Variants in PCDHGB1 observed in about 807,000 individuals in gnomAD.
The protein encoded by PCDHGB1 is protocadherin gamma-B1.
PCDHGB1 carries 34 observed loss-of-function variants against 56.6 expected under a neutral mutation model. That is an observed-to-expected ratio of 0.60 (90% confidence interval 0.46 to 0.80). The LOEUF (loss-of-function observed/expected upper bound fraction) is 0.80, where lower values mean the gene tolerates loss of function less well. Among genes scored for constraint, PCDHGB1 ranks in the 30% least tolerant of loss-of-function variants. PCDHGB1 has a pLI of 0.00. For synonymous variants in PCDHGB1, 561 were observed against 505.9 expected, an observed-to-expected ratio of 1.11 and a Z score of -1.46; for missense variants, 1,278 against 1,204.6, an observed-to-expected ratio of 1.06 and a Z score of -0.90.
chr5:141,393,938 C>T lies in PCDHGB1; in HGVS notation c.2409+41269C>T, dbSNP rs537803893. The T allele has an allele frequency of 1.5e-5, 25 of 1,613,934 alleles. No homozygotes were observed. In the African/African-American group the frequency reaches 2.4e-4, roughly 15 times the overall value. ...CCTTCTTGAGTGTGCATGACCAAGA[C>T]TCTGGAAAGAATGGTCAAGTTGTCT... On this transcript the variant is annotated intron_variant, in intron 1 of 3. Transcript: ENST00000523390.
chr5:141,403,353 A>T lies in PCDHGB1; in HGVS notation c.2409+50684A>T, dbSNP rs1335542003. The T allele has an allele frequency of 2.5e-6, 4 of 1,613,932 alleles. No individual in the cohort carries two copies. In the East Asian group the frequency reaches 6.7e-5, roughly 27 times the overall value. ...ATTAACGACAGCGCCCCAAAGTTCC[A>T]GGCCGAAAGTCTGGAAGTAAAAATT... On this transcript the variant is annotated intron_variant, in intron 1 of 3. Coordinates refer to ENST00000523390, the MANE Select transcript of PCDHGB1 (RefSeq NM_018922.3).
intron 1 of PCDHGB1, chr5:141,414,963 G>T (rs2095808106): frequency 1.1e-5 from 17 of 1,614,006 alleles, no homozygotes; most frequent in Non-Finnish European, 1.4e-5. Context: ...CCAAGGTGGT[G>T]GCGGTGGACA....
At position 141,350,940 on chromosome 5, in the gene PCDHGB1, TCCGAGTTACGGATG is replaced by T; in HGVS notation, c.683_696del (p.Arg228GlnfsTer2). On this transcript the variant is annotated frameshift_variant, in exon 1 of 4. Coordinates refer to ENST00000523390, the MANE Select transcript of PCDHGB1 (RefSeq NM_018922.3). LOFTEE classifies it high-confidence loss of function. The stretch of plus-strand genomic sequence containing the variant: ...CTAAGCGGCACCACCCATATCTGGA[TCCGAGTTACGGATG>T]CCAATGATAATGCTCCCGTGTTTAG... 6.2e-7 allele frequency: 1 copy of T among 1,614,094 alleles called. No individual in the cohort carries two copies. The highest frequency in any genetic ancestry group is 8.5e-7 in the Non-Finnish European group (1 of 1,179,912).
intron 1 of PCDHGB1, chr5:141,372,747 G>T (rs749618566): frequency 1.6e-5 from 26 of 1,613,300 alleles, no homozygotes; most frequent in Admixed American, 1.7e-5. Context: ...ATGTGATGAA[G>T]CCTCTTGGTT....
chr5:141,413,815 C>T (rs1357769705), intron 1 of PCDHGB1: 11 of 1,613,224 alleles, frequency 6.8e-6, no homozygotes, highest in Non-Finnish European at 8.5e-6. Flanking sequence ...CATTCACCAC[C>T]TGGTCCTCAC....
In PCDHGB1 at chr5:141,352,235, A is replaced by T; in HGVS notation, c.1975A>T (p.Ile659Phe). The T allele has an allele frequency of 6.2e-7, 1 of 1,614,032 alleles. No individual in the cohort carries two copies. Among genetic ancestry groups the T allele is most frequent in the Non-Finnish European group, 8.5e-7 (1 of 1,179,892 alleles). The change falls in exon 1 of 4, where the codon ATC becomes TTC. Residue 659 changes from isoleucine to phenylalanine, a missense_variant. Coordinates refer to ENST00000523390, the MANE Select transcript of PCDHGB1 (RefSeq NM_018922.3). Reference protein sequence around the residue: ...PLSATATLHLIFADSLQEVLP... With the variant: ...PLSATATLHLFFADSLQEVLP... ...CTCCGCCACCGCCACGCTGCACCTA[A>T]TCTTCGCGGATAGCCTGCAAGAGGT...
intron 1 of PCDHGB1, among the ~76,000 whole-genome samples, chr5:141,471,071 C>T (rs1208702673): frequency 7.7e-6 from 1 of 129,696 alleles, no homozygotes; most frequent in Non-Finnish European, 1.6e-5. Context: ...TTTTTTGAGA[C>T]AGGGTCTCCC....
At chr5:141,501,409 A>G (rs1358547245) in intron 2 of PCDHGB1, among the ~76,000 whole-genome samples, 1 of 151,978 alleles carries the variant, frequency 6.6e-6, no homozygotes, top group African/African-American at 2.4e-5. Context: ...ACTGCTTGGA[A>G]AATAGTTGAC....
chr5:141,399,320 A>T (rs775357251), intron 1 of PCDHGB1: 2 of 1,614,010 alleles, frequency 1.2e-6, no homozygotes, highest in Non-Finnish European at 1.7e-6. Flanking sequence ...AAAAATTCGT[A>T]TAAGTTGGTA....
chr5:141,383,312 T>C (rs1271523069), intron 1 of PCDHGB1: 1 of 1,613,832 alleles, frequency 6.2e-7, no homozygotes, highest in Admixed American at 1.7e-5. Flanking sequence ...ACGGAAGAAA[T>C]AAATGTAAAA....
intron 1 of PCDHGB1, chr5:141,385,005 C>A (rs754312286): frequency 6.8e-6 from 11 of 1,614,138 alleles, no homozygotes; most frequent in South Asian, 4.4e-5. Context: ...CAGTCTCCTG[C>A]GTCTTCCTAG....
At position 141,428,042 on chromosome 5, in the gene PCDHGB1, G is replaced by A; in HGVS notation, c.2410-66765G>A. The A allele has an allele frequency of 1.9e-6, 3 of 1,608,716 alleles. No individual in the cohort carries two copies. The South Asian group carries it at 3.3e-5, about 18-fold the overall frequency. On this transcript the variant is annotated intron_variant, in intron 1 of 3. Transcript: ENST00000523390. ...GCGCCGCAGAGTCCGGCTACCTGGT[G>A]ACCAAGGTGGTGGCGGTGGACGCAG...
At chr5:141,444,178 TTTTTTTTTTTG>T in intron 1 of PCDHGB1, among the ~76,000 whole-genome samples, 1 of 134,050 alleles carries the variant, frequency 7.5e-6, no homozygotes, top group Admixed American at 7.5e-5. Flanking sequence ...TTTTTTTTTT[TTTTTTTTTTTG>T]AGATGGAGTT....
At chr5:141,451,610 G>T (rs184745360) in intron 1 of PCDHGB1, among the ~76,000 whole-genome samples, 60 of 152,298 alleles carry the variant, frequency 3.9e-4, no homozygotes, top group African/African-American at 1.3e-3. Context: ...GGCTAGGCAT[G>T]GTGGCTCAAA....
intron 1 of PCDHGB1, chr5:141,402,889 G>A: frequency 1.3e-6 from 2 of 1,493,808 alleles, no homozygotes; most frequent in South Asian, 1.4e-5. Context: ...CAGGGTGGAA[G>A]AAAGAACCTG....
chr5:141,400,168 C>G, intron 1 of PCDHGB1: 1 of 1,614,088 alleles, frequency 6.2e-7, no homozygotes, highest in South Asian at 1.1e-5. Context: ...CTCTGACCCC[C>G]AGGCTGAGCT....
intron 1 of PCDHGB1, among the ~76,000 whole-genome samples, chr5:141,464,525 A>G (rs919668801): frequency 3.3e-5 from 5 of 152,064 alleles, no homozygotes; most frequent in Non-Finnish European, 5.9e-5. Context: ...AGGCATATGT[A>G]GTTTTGTTAA....
intron 1 of PCDHGB1, chr5:141,479,478 G>T (rs760475025): frequency 2.6e-5 from 4 of 152,408 alleles, no homozygotes; most frequent in African/African-American, 9.6e-5. Context: ...TCTTGGGAGG[G>T]CAGGACCATC....
chr5:141,385,141 G>A (rs1183220869), intron 1 of PCDHGB1: 30 of 1,614,084 alleles, frequency 1.9e-5, no homozygotes, highest in African/African-American at 6.7e-5. Context: ...CGGGGTGCAG[G>A]CTTTCCTGCA....
Sources: allele counts gnomAD v4.1 joint callset (sites outside exome capture counted in the v4.1 genomes callset), GRCh38; gene constraint gnomAD v4.1.1; transcripts MANE v1.5; gene names NCBI Gene and HGNC (gene_info 2026-07-23, HGNC 2026-07-21).